NTM: variants seen among roughly 807,000 people sequenced by gnomAD.
The protein encoded by NTM is IgLON family member 2.
In NTM, 13 loss-of-function variants were observed where a neutral mutation model predicts 42.1. The ratio of observed to expected loss-of-function variants is 0.31; its 90% confidence interval spans 0.20 to 0.49. NTM has a LOEUF of 0.49. Among genes scored for constraint, NTM ranks in the 20% least tolerant of loss-of-function variants. The probability of loss-of-function intolerance (pLI) is 0.99; values close to 1 mark genes in which losing one functional copy is unlikely to be tolerated. For synonymous variants in NTM, 187 were observed against 179.2 expected (o/e 1.04, Z -0.35); for missense variants, 373 against 452.8 (o/e 0.82, Z 1.60).
At chr11:131,713,197 C>G (rs1357963574) in intron 1 of NTM, among the ~76,000 whole-genome samples, 1 of 151,754 alleles carries the variant, frequency 6.6e-6, no homozygotes, top group Non-Finnish European at 1.5e-5. Flanking sequence ...TTTAGAGCAA[C>G]AAAACGGAAA....
intron 1 of NTM, among the ~76,000 whole-genome samples, chr11:131,456,581 A>G (rs201256991): frequency 0.049 from 7,493 of 151,982 alleles, 611 homozygotes; most frequent in African/African-American, 0.17. Context: ...GCTTGCAAAG[A>G]GGGGGTTCAG....
At chr11:131,840,025 G>A (rs2044031618) in intron 1 of NTM, among the ~76,000 whole-genome samples, 1 of 152,208 alleles carries the variant, frequency 6.6e-6, no homozygotes, top group Admixed American at 6.5e-5. Context: ...GACGATGAAA[G>A]CTGTGTTGGG....
intron 1 of NTM, among the ~76,000 whole-genome samples, chr11:131,881,301 T>C (rs544447176): frequency 6.6e-6 from 1 of 152,278 alleles, no homozygotes; most frequent in South Asian, 2.1e-4. Context: ...CACCCTCCTC[T>C]CAACGGTTTG....
chr11:132,001,208 A>G (rs1257848524), intron 2 of NTM, among the ~76,000 whole-genome samples: 2 of 152,222 alleles, frequency 1.3e-5, no homozygotes, highest in African/African-American at 4.8e-5. Context: ...AGTTTAGCAA[A>G]TACTGAATGC....
chr11:132,293,640 C>T (rs2094524722), intron 4 of NTM, among the ~76,000 whole-genome samples: 1 of 151,948 alleles, frequency 6.6e-6, no homozygotes, highest in Non-Finnish European at 1.5e-5. Flanking sequence ...CCAGATTCAG[C>T]CTGCAGCCTC....
intron 2 of NTM, among the ~76,000 whole-genome samples, chr11:131,978,164 A>G (rs190645001): frequency 1.3e-5 from 2 of 152,310 alleles, no homozygotes; most frequent in East Asian, 3.9e-4. Flanking sequence ...CTTCAAAACT[A>G]AAGGTATATT....
chr11:131,806,860 G>A (rs2136277005), intron 1 of NTM, among the ~76,000 whole-genome samples: 1 of 152,302 alleles, frequency 6.6e-6, no homozygotes, highest in East Asian at 1.9e-4. Flanking sequence ...TACAGTCTCT[G>A]CTTTTAAGTT....
chr11:131,591,980 A>C (rs777043609), intron 1 of NTM, among the ~76,000 whole-genome samples: 17 of 152,224 alleles, frequency 1.1e-4, no homozygotes, highest in Non-Finnish European at 1.5e-4. Flanking sequence ...GCTGGAAATC[A>C]GTCACCTCTT....
At chr11:131,619,816 CTTT>C (rs1295440951) in intron 1 of NTM, among the ~76,000 whole-genome samples, 2 of 142,670 alleles carry the variant, frequency 1.4e-5, no homozygotes, top group Non-Finnish European at 1.5e-5. Flanking sequence ...TAAACATCTT[CTTT>C]TTTTTTTTTT....
intron 1 of NTM, among the ~76,000 whole-genome samples, chr11:131,675,785 C>T (rs929655484): frequency 3.3e-5 from 5 of 152,254 alleles, no homozygotes; most frequent in South Asian, 2.1e-4. Flanking sequence ...TTTTGTGTGT[C>T]GTCTCAGATG....
At chr11:132,129,302 G>A (rs1008372330) in intron 2 of NTM, among the ~76,000 whole-genome samples, 5 of 152,176 alleles carry the variant, frequency 3.3e-5, no homozygotes, top group African/African-American at 1.2e-4. Context: ...TGATAGTTTA[G>A]AACCAACTTA....
At chr11:131,863,701 A>G (rs575205727) in intron 1 of NTM, among the ~76,000 whole-genome samples, 2 of 152,322 alleles carry the variant, frequency 1.3e-5, no homozygotes, top group Admixed American at 1.3e-4. Context: ...ATGGAGAAAC[A>G]TGAGCACAGA....
chr11:131,875,970 A>T (rs1565662528), intron 1 of NTM, among the ~76,000 whole-genome samples: 1 of 152,242 alleles, frequency 6.6e-6, no homozygotes, highest in Non-Finnish European at 1.5e-5. Context: ...GCCCAGTGCA[A>T]GGGAGAGTCG....
At chr11:131,758,203 A>T (rs2083590779) in intron 1 of NTM, among the ~76,000 whole-genome samples, 1 of 152,080 alleles carries the variant, frequency 6.6e-6, no homozygotes, top group South Asian at 2.1e-4. Context: ...ATAGCTACAA[A>T]TCATACCATT....
chr11:131,668,387 T>A (rs576075345), intron 1 of NTM, among the ~76,000 whole-genome samples: 156 of 148,524 alleles, frequency 1.1e-3, no homozygotes, highest in South Asian at 1.7e-3. Context: ...GTGGAGATTT[T>A]AAAAAAAAAA....
At chr11:131,545,911 A>G (rs1396195458) in intron 1 of NTM, among the ~76,000 whole-genome samples, 2 of 152,186 alleles carry the variant, frequency 1.3e-5, no homozygotes, top group Non-Finnish European at 2.9e-5. Context: ...GGAGGGTTAC[A>G]GTGACGCTTG....
intron 4 of NTM, among the ~76,000 whole-genome samples, chr11:132,293,149 A>G (rs770500224): frequency 6.6e-6 from 1 of 152,194 alleles, no homozygotes; most frequent in African/African-American, 2.4e-5. Flanking sequence ...TTTTTATTGA[A>G]TAGAAAAAAA....
chr11:132,167,735 A>T (rs961524566), intron 3 of NTM, among the ~76,000 whole-genome samples: 1 of 152,196 alleles, frequency 6.6e-6, no homozygotes, highest in African/African-American at 2.4e-5. Context: ...CAATGACAGG[A>T]AACACAATGA....
In NTM at chr11:131,403,782, G is replaced by T. The variant is rs1945501555; in HGVS notation, c.82+32894G>T. ...TCATTGAGAAAACAGAAGCAATCAG[G>T]AACTAACTTATCTTCCAGATACCAA... On this transcript the variant is annotated intron_variant, in intron 1 of 8. Coordinates refer to ENST00000683400, the MANE Select transcript of NTM (RefSeq NM_001352005.2). Among the ~76,000 whole-genome samples the T allele has an allele frequency of 1.3e-5, 2 of 152,074 alleles. 1 individual carries two copies. Among genetic ancestry groups the T allele is most frequent in the South Asian group, 4.1e-4 (2 of 4,822 alleles).
Sources: gnomAD v4.1 joint callset for allele counts (sites outside exome capture counted in the v4.1 genomes callset) on GRCh38, gnomAD v4.1.1 for gene constraint, MANE v1.5 for transcripts, NCBI Gene and HGNC (gene_info 2026-07-23, HGNC 2026-07-21) for gene names.